Variants in COA1 observed in about 807,000 individuals in gnomAD.
COA1 encodes cytochrome c oxidase assembly factor 1.
COA1 carries 13 observed loss-of-function variants against 16.0 expected under a neutral mutation model. The ratio of observed to expected loss-of-function variants is 0.81; its 90% CI spans 0.53 to 1.29. The LOEUF is 1.29. Ranked by LOEUF, COA1 falls within the 50% of genes most tolerant of loss-of-function variation. COA1 has a pLI of 0.00. For synonymous variants in COA1, 65 were observed against 65.7 expected (o/e 0.99, Z 0.05); for missense variants, 179 against 177.0 (o/e 1.01, Z -0.06).
intron 1 of COA1, among the ~76,000 whole-genome samples, chr7:43,666,742 T>G (rs974986019): frequency 3.9e-5 from 6 of 152,206 alleles, no homozygotes; most frequent in African/African-American, 1.2e-4. Flanking sequence ...TAGAGCTGGA[T>G]GCTGAAAAGT....
At chr7:43,686,516 G>A (rs963117361) in intron 1 of COA1, among the ~76,000 whole-genome samples, 4 of 151,758 alleles carry the variant, frequency 2.6e-5, no homozygotes, top group Admixed American at 2.6e-4. Flanking sequence ...CCGTGGTCTC[G>A]ATCTCCTGAC....
Position 43,677,181 on chromosome 7 carries a change from T to C in COA1, c.-38-28529A>G, listed in dbSNP as rs541299868. On this transcript the variant is annotated intron_variant, in intron 1 of 5. Transcript: ENST00000223336. Reference sequence around the variant, plus strand: ...TAGAAGAAAGTTCATGGAAATACTATAGAGAAAAATACTCAATTCTTTCTA... The same window carrying C: ...TAGAAGAAAGTTCATGGAAATACTACAGAGAAAAATACTCAATTCTTTCTA... Among the ~76,000 whole-genome samples the C allele has an allele frequency of 4.0e-5, 6 of 151,278 alleles. No individual in the cohort carries two copies. The South Asian group carries it at 1.0e-3, about 26-fold the overall frequency.
At chr7:43,620,828 G>A (rs1339208731) in intron 6 of COA1, among the ~76,000 whole-genome samples, 1 of 152,226 alleles carries the variant, frequency 6.6e-6, no homozygotes, top group Non-Finnish European at 1.5e-5. Context: ...GGACATCAGT[G>A]TGGAAGTCAC....
At chr7:43,691,277 G>GA (rs1271233453) in intron 1 of COA1, among the ~76,000 whole-genome samples, 2,036 of 29,358 alleles carry the variant, frequency 0.069, 77 homozygotes, top group East Asian at 0.15. Context: ...AAGAAAGAAA[G>GA]AAAGAAAGAA....
At chr7:43,690,432 C>T (rs1024202674) in intron 1 of COA1, among the ~76,000 whole-genome samples, 12 of 150,862 alleles carry the variant, frequency 8.0e-5, no homozygotes, top group African/African-American at 1.7e-4. Flanking sequence ...CATATATATA[C>T]ACACACACAC....
intron 1 of COA1, among the ~76,000 whole-genome samples, chr7:43,682,367 A>C (rs941206066): frequency 6.6e-6 from 1 of 152,246 alleles, no homozygotes; most frequent in African/African-American, 2.4e-5. Flanking sequence ...AACTGGAAGA[A>C]AGCATATCAT....
At chr7:43,682,912 C>T (rs896936045) in intron 1 of COA1, among the ~76,000 whole-genome samples, 8 of 152,162 alleles carry the variant, frequency 5.3e-5, no homozygotes, top group Non-Finnish European at 1.2e-4. Context: ...TGCAATGGCA[C>T]GATCTTGGCT....
At chr7:43,640,259 A>T (rs1399788643) in intron 5 of COA1, among the ~76,000 whole-genome samples, 1 of 152,238 alleles carries the variant, frequency 6.6e-6, no homozygotes, top group Non-Finnish European at 1.5e-5. Context: ...CATTTATAAC[A>T]ATTGAGGCAG....
intron 1 of COA1, among the ~76,000 whole-genome samples, chr7:43,663,666 C>CAAAAA (rs759423078): frequency 4.2e-5 from 3 of 70,620 alleles, no homozygotes; most frequent in South Asian, 6.0e-4. Context: ...GACCCTATCT[C>CAAAAA]AAAAAAAAAA....
At chr7:43,647,859 T>A in intron 2 of COA1, 1 of 540,064 alleles carries the variant, frequency 1.9e-6, no homozygotes, top group Non-Finnish European at 3.3e-6. Context: ...CCAGGACCCA[T>A]GCTGTGGGGG....
intron 1 of COA1, among the ~76,000 whole-genome samples, chr7:43,726,603 T>C (rs1421481981): frequency 6.6e-6 from 1 of 152,224 alleles, no homozygotes; most frequent in African/African-American, 2.4e-5. Flanking sequence ...AGTCTTAAAA[T>C]GCTCCTCACG....
chr7:43,646,639 TC>T (rs1246501439), intron 3 of COA1: 1 of 456,348 alleles, frequency 2.2e-6, no homozygotes, highest in Non-Finnish European at 4.4e-6. Context: ...AGTGCACCCA[TC>T]CCTCTCATGT....
intron 6 of COA1, chr7:43,624,786 C>T (rs193218605): frequency 1.9e-6 from 3 of 1,611,606 alleles, no homozygotes; most frequent in Non-Finnish European, 2.5e-6. Context: ...CATTTCCAAA[C>T]GATTTAAATT....
chr7:43,641,869 G>A (rs2087225886), intron 4 of COA1: 1 of 152,204 alleles, frequency 6.6e-6, no homozygotes, highest in African/African-American at 2.4e-5. Context: ...GAAGGTATGA[G>A]CCTCGCGAAG....
chr7:43,648,506 A>G (rs761985632), intron 2 of COA1, 94 bp downstream of exon 2: 11 of 1,313,792 alleles, frequency 8.4e-6, no homozygotes, highest in Admixed American at 5.0e-5. Context: ...GGAGAAGCCC[A>G]TAACTATTCA....
downstream of COA1, among the ~76,000 whole-genome samples, chr7:43,637,082 T>G (rs2086004405): frequency 6.6e-6 from 1 of 152,216 alleles, no homozygotes; most frequent in East Asian, 1.9e-4. Flanking sequence ...CACTTGCATG[T>G]TGTGCTCTCC....
At chr7:43,678,515 G>T (rs2093632760) in intron 1 of COA1, among the ~76,000 whole-genome samples, 1 of 152,124 alleles carries the variant, frequency 6.6e-6, no homozygotes, top group South Asian at 2.1e-4. Flanking sequence ...ACTATCAACA[G>T]AGTTAAAAGG....
At chr7:43,655,250 G>C (rs1173305864) in intron 1 of COA1, among the ~76,000 whole-genome samples, 1 of 152,080 alleles carries the variant, frequency 6.6e-6, no homozygotes, top group Non-Finnish European at 1.5e-5. Context: ...TAATCCTCCT[G>C]CCAAGTACTA....
At chr7:43,623,606 G>A (rs1367441437) in intron 6 of COA1, 2 of 1,611,100 alleles carry the variant, frequency 1.2e-6, no homozygotes, top group African/African-American at 2.7e-5. Context: ...CTATAAGCAT[G>A]GCAACAGATA....
Sources: gnomAD v4.1 joint callset for allele counts (sites outside exome capture counted in the v4.1 genomes callset) on GRCh38, gnomAD v4.1.1 for gene constraint, MANE v1.5 for transcripts, NCBI Gene and HGNC (gene_info 2026-07-23, HGNC 2026-07-21) for gene names.